The following CLASP2 variants were observed in gnomAD, a reference collection of about 807,000 sequenced individuals.
CLASP2 encodes cytoplasmic linker associated protein 2.
A neutral mutation model predicts 194.4 loss-of-function variants in CLASP2; 47 were observed. That is an observed-to-expected ratio of 0.24 (90% CI 0.19 to 0.31). The LOEUF is 0.31. CLASP2 is among the 10% of genes least tolerant of loss of function. CLASP2 has a pLI of 1.00. For synonymous variants in CLASP2, 619 were observed against 633.5 expected (o/e 0.98, Z 0.34); for missense variants, 1,445 against 1,823.6 (o/e 0.79, Z 3.78).
intron 28 of CLASP2, among the ~76,000 whole-genome samples, chr3:33,560,160 T>C (rs1196892526): frequency 2.0e-5 from 3 of 152,202 alleles, no homozygotes; most frequent in Non-Finnish European, 4.4e-5. Context: ...TAATAAAACG[T>C]TGTTTAAATA....
At position 33,602,977 on chromosome 3, in the gene CLASP2, C is replaced by A; in HGVS notation, c.1899G>T (p.Leu633=). 2 of 1,610,720 alleles carry A rather than the reference C, an allele frequency of 1.2e-6. No individual in the cohort carries two copies. The highest frequency in any genetic ancestry group is 1.1e-5 in the South Asian group (1 of 90,172). ...CTAGTGACGCATAGGAACCTGCATT[C>A]AGGGCACCTGCACCTAAGCGCCCGC... is the stretch of plus-strand genomic sequence containing the variant. ...VRSGRLGAGA[L]NAGSYASLED... Residue 633 remains leucine, a synonymous_variant, in exon 18 of 39, where the codon CTG becomes CTT. Coordinates refer to ENST00000682230, the MANE Select transcript of CLASP2 (RefSeq NM_001365631.1).
chr3:33,583,855 G>C (rs1245781738), intron 22 of CLASP2, among the ~76,000 whole-genome samples: 2 of 152,140 alleles, frequency 1.3e-5, no homozygotes, highest in African/African-American at 4.8e-5. Context: ...TCAAGTAGCA[G>C]CTATCCTAAG....
rs78585550 is a variant in CLASP2, at chr3:33,702,381, G to A, written c.196-5448C>T. On this transcript the variant is annotated intron_variant, in intron 1 of 38. Coordinates refer to ENST00000682230, the MANE Select transcript of CLASP2 (RefSeq NM_001365631.1). ...ACAAGGGTGTCAAGACCATTCAATG[G>A]GGGAATGATTCAACATATGGTACTA... Among the ~76,000 whole-genome samples the A allele has an allele frequency of 4.6e-4, 70 of 152,226 alleles. No homozygotes were observed. In the East Asian group the frequency reaches 9.9e-3, roughly 21 times the overall value.
chr3:33,550,065 G>T (rs1316832761), intron 30 of CLASP2, among the ~76,000 whole-genome samples: 1 of 151,840 alleles, frequency 6.6e-6, no homozygotes, highest in African/African-American at 2.4e-5. Flanking sequence ...AAATGTTGAT[G>T]GAAATAATTC....
chr3:33,592,960 G>T (rs1365322455), intron 20 of CLASP2, among the ~76,000 whole-genome samples: 1 of 152,076 alleles, frequency 6.6e-6, no homozygotes, highest in Non-Finnish European at 1.5e-5. Flanking sequence ...GATATAATTA[G>T]GCAAAAGATT....
chr3:33,590,364 A>G (rs1439383148), intron 21 of CLASP2, among the ~76,000 whole-genome samples: 2 of 152,162 alleles, frequency 1.3e-5, no homozygotes, highest in African/African-American at 4.8e-5. Context: ...CTTAACTGTG[A>G]TATAAATCAC....
intron 21 of CLASP2, among the ~76,000 whole-genome samples, chr3:33,590,996 C>A: frequency 6.7e-6 from 1 of 150,108 alleles, no homozygotes; most frequent in Non-Finnish European, 1.5e-5. Context: ...GCCTGGGCAA[C>A]ACAGTGGGAA....
chr3:33,552,083 T>TA (rs1177181092), intron 29 of CLASP2, among the ~76,000 whole-genome samples: 4 of 151,736 alleles, frequency 2.6e-5, no homozygotes, highest in Non-Finnish European at 5.9e-5. Context: ...AGACAACACT[T>TA]ACGTGGATAA....
At chr3:33,668,781 A>T (rs972780167) in intron 6 of CLASP2, among the ~76,000 whole-genome samples, 3 of 152,216 alleles carry the variant, frequency 2.0e-5, no homozygotes, top group South Asian at 2.1e-4. Context: ...ACACAAGCAC[A>T]GCATGGAAGA....
intron 32 of CLASP2, among the ~76,000 whole-genome samples, chr3:33,542,802 T>C (rs1431925041): frequency 6.6e-6 from 1 of 152,096 alleles, no homozygotes; most frequent in East Asian, 1.9e-4. Flanking sequence ...TACTGAGTAG[T>C]ATAATGTAAT....
At chr3:33,541,211 A>G (rs975417578) in intron 32 of CLASP2, among the ~76,000 whole-genome samples, 2 of 152,168 alleles carry the variant, frequency 1.3e-5, no homozygotes, top group African/African-American at 2.4e-5. Context: ...CTGTAGCACT[A>G]TTCACAATAG....
chr3:33,581,759 G>T, intron 23 of CLASP2, 62 bp downstream of exon 23: 1 of 1,137,828 alleles, frequency 8.8e-7, no homozygotes, highest in Non-Finnish European at 1.3e-6. Context: ...GTATGCTGAA[G>T]TTAACAGATA....
chr3:33,574,830 A>G (rs541320693), intron 24 of CLASP2, among the ~76,000 whole-genome samples: 24 of 152,298 alleles, frequency 1.6e-4, no homozygotes, highest in African/African-American at 5.3e-4. Flanking sequence ...TACTAGCTGG[A>G]AAGTTTTTTC....
At chr3:33,641,785 A>G (rs1325343380) in intron 8 of CLASP2, among the ~76,000 whole-genome samples, 1 of 73,108 alleles carries the variant, frequency 1.4e-5, no homozygotes, top group African/African-American at 5.5e-5. Flanking sequence ...ATCTTACTTG[A>G]AAAGAGATTT....
chr3:33,505,651 T>C (rs759790822), intron 37 of CLASP2, among the ~76,000 whole-genome samples: 1 of 152,214 alleles, frequency 6.6e-6, no homozygotes, highest in Non-Finnish European at 1.5e-5. Flanking sequence ...TGGGGCAAGG[T>C]ATATAATGGA....
At chr3:33,694,361 A>C (rs1398495424) in intron 2 of CLASP2, among the ~76,000 whole-genome samples, 1 of 152,232 alleles carries the variant, frequency 6.6e-6, no homozygotes, top group Admixed American at 6.5e-5. Flanking sequence ...GTCAGTACAT[A>C]AAACCCCATG....
intron 37 of CLASP2, 27 bp from the exon 38 acceptor site, chr3:33,501,795 C>G (rs370903523): frequency 4.8e-6 from 7 of 1,467,604 alleles, no homozygotes; most frequent in Admixed American, 1.7e-5. Flanking sequence ...ACTGTTAGTA[C>G]TCCAGAGAAG....
At chr3:33,546,263 C>T (rs2059138540) in intron 30 of CLASP2, among the ~76,000 whole-genome samples, 1 of 152,292 alleles carries the variant, frequency 6.6e-6, no homozygotes, top group Non-Finnish European at 1.5e-5. Context: ...TGAAGTGACA[C>T]CTGTATAATG....
Position 33,663,435 on chromosome 3 carries a change from T to C in CLASP2, c.715+10A>G, listed in dbSNP as rs759090936. Reference sequence around the variant, plus strand: ...GTCTTAGAAATGTTTGAGAGCTTAATTACTCTTACCTTTGCAGACACTCAA... The same window carrying C: ...GTCTTAGAAATGTTTGAGAGCTTAACTACTCTTACCTTTGCAGACACTCAA... On this transcript the variant is annotated intron_variant, in intron 7 of 38. Transcript: ENST00000682230. The C allele has an allele frequency of 6.2e-7, 1 of 1,606,634 alleles. No individual in the cohort carries two copies. The highest frequency in any genetic ancestry group is 1.7e-5 in the Admixed American group (1 of 59,464).
Sources: gnomAD v4.1 joint callset for allele counts (sites outside exome capture counted in the v4.1 genomes callset) on GRCh38, gnomAD v4.1.1 for gene constraint, MANE v1.5 for transcripts, NCBI Gene and HGNC (gene_info 2026-07-23, HGNC 2026-07-21) for gene names.